PDE9A: variants seen among roughly 807,000 people sequenced by gnomAD.
The protein encoded by PDE9A is high affinity cGMP-specific 3',5'-cyclic phosphodiesterase 9A.
PDE9A carries 60 observed loss-of-function variants against 87.4 expected under a neutral mutation model. The ratio of observed to expected loss-of-function variants is 0.69; its 90% CI spans 0.56 to 0.85. PDE9A has a LOEUF of 0.85. Among genes scored for constraint, PDE9A ranks in the 40% least tolerant of loss-of-function variants. The probability of loss-of-function intolerance (pLI) is 0.00; values close to 1 mark genes in which losing one functional copy is unlikely to be tolerated. For missense variants in PDE9A, 665 were observed against 779.0 expected (o/e 0.85, Z 1.74); for synonymous variants, 272 against 279.4 (o/e 0.97, Z 0.27).
chr21:42,716,097 G>A (rs1033066871), intron 4 of PDE9A, among the ~76,000 whole-genome samples: 2 of 151,758 alleles, frequency 1.3e-5, no homozygotes, highest in Non-Finnish European at 2.9e-5. Flanking sequence ...ATATTCCATG[G>A]TCTGTATGTA....
In PDE9A at chr21:42,760,697, C is replaced by G. The variant is rs2055635656; in HGVS notation, c.1003-128C>G. ...GCAGGCCGATCCTCTCCCACCATGC[C>G]AGGAGATGCCAGATGGCTGCAGGGG... On this transcript the variant is annotated intron_variant, in intron 12 of 19. Coordinates refer to ENST00000291539, the MANE Select transcript of PDE9A (RefSeq NM_002606.3). The surrounding 1 kb of genome is among the most constrained non-coding windows in gnomAD (Gnocchi z 5.2). 1.4e-6 allele frequency: 1 copy of G among 695,550 alleles called. No individual in the cohort carries two copies. Among genetic ancestry groups the G allele is most frequent in the East Asian group, 2.7e-5 (1 of 37,198 alleles). The allele number at this position is 695,550 out of a possible 1,614,324, so 43.1% of individuals were successfully genotyped here. A position where few individuals can be genotyped will look rare whatever the true frequency, so the allele number is the denominator to read the frequency against.
intron 1 of PDE9A, among the ~76,000 whole-genome samples, chr21:42,672,311 C>T (rs1342943811): frequency 6.6e-6 from 1 of 152,228 alleles, no homozygotes. Flanking sequence ...TCTTCTCTCT[C>T]TTGTCTGTCC....
At chr21:42,727,129 G>A (rs752615490) in intron 4 of PDE9A, among the ~76,000 whole-genome samples, 2 of 141,406 alleles carry the variant, frequency 1.4e-5, no homozygotes, top group Non-Finnish European at 1.5e-5. Context: ...TGGGAATTGT[G>A]TAAAACTTGT....
At chr21:42,736,363 C>T (rs1422686182) in intron 7 of PDE9A, among the ~76,000 whole-genome samples, 1 of 152,136 alleles carries the variant, frequency 6.6e-6, no homozygotes, top group African/African-American at 2.4e-5. Context: ...GAGTCGAAGA[C>T]CACTGAAGGA....
chr21:42,712,469 A>G (rs1255055876), intron 4 of PDE9A, among the ~76,000 whole-genome samples: 1 of 152,214 alleles, frequency 6.6e-6, no homozygotes, highest in Non-Finnish European at 1.5e-5. Context: ...TCTAAGAATA[A>G]TGACAGTTTT....
chr21:42,745,048 G>A (rs1253674124), intron 8 of PDE9A, among the ~76,000 whole-genome samples: 2 of 152,236 alleles, frequency 1.3e-5, no homozygotes, highest in Non-Finnish European at 2.9e-5. Flanking sequence ...ACAGCCCTGT[G>A]CAATTGCACT....
intron 7 of PDE9A, among the ~76,000 whole-genome samples, chr21:42,735,925 G>A (rs1483757118): frequency 1.3e-5 from 2 of 152,134 alleles, no homozygotes; most frequent in Admixed American, 6.5e-5. Flanking sequence ...GCCCCATGTC[G>A]CAGGGAATTC....
intron 1 of PDE9A, among the ~76,000 whole-genome samples, chr21:42,661,832 T>C (rs192851199): frequency 6.6e-6 from 1 of 152,214 alleles, no homozygotes; most frequent in Non-Finnish European, 1.5e-5. Flanking sequence ...ATGTCTGTGG[T>C]GTAGCCTGTG....
chr21:42,687,963 A>G lies in PDE9A; in HGVS notation c.187A>G (p.Ile63Val), dbSNP rs565528895. The G allele has an allele frequency of 1.1e-5, 17 of 1,613,172 alleles. No homozygotes were observed. The African/African-American group carries it at 2.0e-4, about 19-fold the overall frequency. ...LLTTDDAMVS[I>V]DPTMPANSER... ...GACCACCGACGACGCCATGGTCTCC[A>G]TCGACCCCACCATGCCCGCGAATTC... Residue 63 changes from isoleucine to valine, a missense_variant, in exon 3 of 20, where the codon ATC becomes GTC. Ile to Val is a conservative substitution (Grantham distance 29). Transcript: ENST00000291539.
At chr21:42,769,245 A>T in intron 17 of PDE9A, 90 bp downstream of exon 17, 1 of 1,221,442 alleles carries the variant, frequency 8.2e-7, no homozygotes. Flanking sequence ...ATATGCACAC[A>T]GGTACACACA....
intron 14 of PDE9A, among the ~76,000 whole-genome samples, chr21:42,763,575 C>T (rs561291888): frequency 7.9e-5 from 12 of 152,332 alleles, no homozygotes; most frequent in African/African-American, 2.9e-4. Context: ...TTGGTTCTGG[C>T]TTCCAGAACT....
chr21:42,739,636 C>A lies in PDE9A; in HGVS notation c.569-4140C>A, dbSNP rs1327828128. Among the ~76,000 whole-genome samples the A allele has an allele frequency of 5.3e-5, 8 of 152,158 alleles. No individual in the cohort carries two copies. The highest frequency in any genetic ancestry group is 5.9e-5 in the Non-Finnish European group (4 of 68,032). The stretch of plus-strand genomic sequence containing the variant: ...CCACAAATTCTGCATCTCTGGGATG[C>A]AAACTAGTGAAGCTGTGCTGTGTCA... On this transcript the variant is annotated intron_variant, in intron 7 of 19. Coordinates refer to ENST00000291539, the MANE Select transcript of PDE9A (RefSeq NM_002606.3). The surrounding 1 kb of genome is among the most constrained non-coding windows in gnomAD (Gnocchi z 4.1).
chr21:42,674,535 G>C (rs763163352), intron 1 of PDE9A, among the ~76,000 whole-genome samples: 7 of 152,024 alleles, frequency 4.6e-5, no homozygotes, highest in Non-Finnish European at 1.0e-4. Flanking sequence ...TTTGTAAAAC[G>C]GCTCCGCCTA....
rs1159725346 is a variant in PDE9A at position 42,686,242 on chromosome 21, C to T, written c.120C>T (p.Cys40=). ...CNSSDIMDLF[C]IATGLPRNTT... is the part of the protein sequence containing the mutation. The stretch of plus-strand genomic sequence containing the variant: ...CCAGCGACATCATGGACCTGTTCTG[C>T]ATCGCCACCGGCCTGCCTCGGTGAG... Residue 40 remains cysteine (C), a synonymous_variant, in exon 2 of 20, where the codon TGC becomes TGT. Coordinates refer to ENST00000291539, the MANE Select transcript of PDE9A (RefSeq NM_002606.3). 6.2e-7 allele frequency: 1 copy of T among 1,613,594 alleles called. No individual in the cohort carries two copies. The highest frequency in any genetic ancestry group is 8.5e-7 in the Non-Finnish European group (1 of 1,179,658).
At chr21:42,744,652 G>A (rs2053656698) in intron 8 of PDE9A, among the ~76,000 whole-genome samples, 1 of 152,156 alleles carries the variant, frequency 6.6e-6, no homozygotes. Context: ...GGCGCTTCGG[G>A]GGGCCCAGTG....
At chr21:42,754,605 T>C (rs762001425) in intron 10 of PDE9A, among the ~76,000 whole-genome samples, 2 of 152,242 alleles carry the variant, frequency 1.3e-5, no homozygotes, top group African/African-American at 4.8e-5. Flanking sequence ...CTGAGTGATA[T>C]GATTTGGCTG....
rs1376157700 is a variant in PDE9A at position 42,759,462 on chromosome 21, G to A, written c.897+377G>A. 6.6e-6 allele frequency among the ~76,000 whole-genome samples: 1 copy of A among 150,498 alleles called. No individual in the cohort carries two copies. The highest frequency in any genetic ancestry group is 1.5e-5 in the Non-Finnish European group (1 of 67,546). On this transcript the variant is annotated intron_variant, in intron 11 of 19. Transcript: ENST00000291539. The surrounding 1 kb of genome is among the most constrained non-coding windows in gnomAD (Gnocchi z 7.2). ...ATGTGAGTGTGTGTGAGTGTGGGGT[G>A]TGGATGTGAGCATGGGGGTGTCTGC...
intron 4 of PDE9A, among the ~76,000 whole-genome samples, chr21:42,711,034 G>T (rs907104928): frequency 6.6e-6 from 1 of 152,160 alleles, no homozygotes; most frequent in African/African-American, 2.4e-5. Context: ...AAGCTGGCTT[G>T]TATTATTTTT....
rs1261449186 is a variant in PDE9A at position 42,732,002 on chromosome 21, G to T, written c.442+53G>T. 6 of 1,611,702 alleles carry T rather than the reference G, an allele frequency of 3.7e-6. No individual in the cohort carries two copies. In the East Asian group the frequency reaches 1.1e-4, roughly 30 times the overall value. On this transcript the variant is annotated intron_variant, in intron 5 of 19. Coordinates refer to ENST00000291539, the MANE Select transcript of PDE9A (RefSeq NM_002606.3). ...TCCACCCCCCAACACGTGGGATTCG[G>T]GCTGCAATGGCCTACACATCTTTTC... is the stretch of plus-strand genomic sequence containing the variant.
Sources: gnomAD v4.1 joint callset for allele counts (sites outside exome capture counted in the v4.1 genomes callset) on GRCh38, gnomAD v4.1.1 for gene constraint, Gnocchi (gnomAD v3.1) non-coding constraint, MANE v1.5 for transcripts, NCBI Gene and HGNC (gene_info 2026-07-23, HGNC 2026-07-21) for gene names.